TRIP4: variants seen among roughly 807,000 people sequenced by gnomAD.
The protein encoded by TRIP4 is activating signal cointegrator 1.
TRIP4 carries 54 observed loss-of-function variants against 81.8 expected under a neutral mutation model. The ratio of observed to expected loss-of-function variants is 0.66; its 90% CI spans 0.53 to 0.83. The LOEUF is 0.83. TRIP4 is among the 40% of genes least tolerant of loss of function. TRIP4 has a pLI of 0.00. For missense variants in TRIP4, 662 were observed against 683.6 expected, an observed-to-expected ratio of 0.97 and a Z score of 0.35; for synonymous variants, 270 against 242.8, an observed-to-expected ratio of 1.11 and a Z score of -1.04.
At chr15:64,447,866 C>A (rs559742408) in intron 12 of TRIP4, among the ~76,000 whole-genome samples, 6 of 152,282 alleles carry the variant, frequency 3.9e-5, no homozygotes, top group Admixed American at 2.0e-4. Flanking sequence ...TATGTGCCAC[C>A]ACGCCCAGAT....
intron 6 of TRIP4, among the ~76,000 whole-genome samples, 200 bp from the exon 7 acceptor site, chr15:64,409,413 A>T (rs1384829229): frequency 1.3e-5 from 2 of 152,162 alleles, no homozygotes; most frequent in Non-Finnish European, 2.9e-5. Flanking sequence ...AGGAAAATGT[A>T]TTATGGTGCT....
intron 5 of TRIP4, among the ~76,000 whole-genome samples, chr15:64,404,602 C>T (rs533715426): frequency 3.2e-4 from 49 of 152,222 alleles, no homozygotes; most frequent in African/African-American, 1.1e-3. Flanking sequence ...TGAACCACCG[C>T]GCTCGGCCTG....
chr15:64,453,811 A>T (rs1355541344), intron 12 of TRIP4, among the ~76,000 whole-genome samples: 2 of 152,214 alleles, frequency 1.3e-5, no homozygotes, highest in Non-Finnish European at 2.9e-5. Flanking sequence ...GTAAACAGAG[A>T]AACTTGTTAG....
chr15:64,424,630 T>C (rs953798803), intron 10 of TRIP4, among the ~76,000 whole-genome samples: 1 of 152,230 alleles, frequency 6.6e-6, no homozygotes, highest in Admixed American at 6.5e-5. Context: ...TTGGGCATCC[T>C]GTTTTTCCTT....
intron 7 of TRIP4, 135 bp from the exon 8 acceptor site, chr15:64,413,950 G>T: frequency 1.1e-6 from 1 of 893,714 alleles, no homozygotes. Flanking sequence ...GTTGGAGTGG[G>T]GAGTAGGGAA....
At chr15:64,437,248 G>A (rs922820592) in intron 11 of TRIP4, among the ~76,000 whole-genome samples, 1 of 105,566 alleles carries the variant, frequency 9.5e-6, no homozygotes, top group Non-Finnish European at 2.0e-5. Context: ...GTGAAACCCT[G>A]TGTCTACTAA....
At chr15:64,394,504 C>T (rs181914416) in intron 2 of TRIP4, among the ~76,000 whole-genome samples, 4,386 of 150,736 alleles carry the variant, frequency 0.029, 79 homozygotes, top group African/African-American at 0.054. Flanking sequence ...ACTCAGGAGG[C>T]TGAGGCAGGA....
At chr15:64,394,682 A>T (rs949738563) in intron 2 of TRIP4, among the ~76,000 whole-genome samples, 3 of 152,152 alleles carry the variant, frequency 2.0e-5, no homozygotes, top group African/African-American at 7.2e-5. Flanking sequence ...GAATAATTTG[A>T]AAAATTTATA....
chr15:64,426,770 G>A (rs972864311), intron 11 of TRIP4, among the ~76,000 whole-genome samples: 4 of 151,194 alleles, frequency 2.6e-5, no homozygotes, highest in Middle Eastern at 3.5e-3. Flanking sequence ...GGAGGCCAAG[G>A]CGGGCAGATC....
At chr15:64,420,144 G>A (rs998250229) in intron 9 of TRIP4, among the ~76,000 whole-genome samples, 6 of 139,394 alleles carry the variant, frequency 4.3e-5, no homozygotes, top group Non-Finnish European at 6.1e-5. Context: ...TTTTTGAGAC[G>A]AAGTTTTGCT....
Position 64,387,881 on chromosome 15 carries a change from G to C in TRIP4, c.18G>C (p.Ala6=), listed in dbSNP as rs756592971. 1 of 1,547,786 alleles carries C rather than the reference G, an allele frequency of 6.5e-7. No homozygotes were observed. The highest frequency in any genetic ancestry group is 8.7e-7 in the Non-Finnish European group (1 of 1,146,854). MAVAG[A]VSGEPLVHWC... ...TGGGGAAGATGGCGGTGGCTGGGGC[G>C]GTGTCCGGGGAGCCGCTGGTGCACT... Residue 6 remains alanine, a synonymous_variant, in exon 1 of 13, where the codon GCG becomes GCC. Coordinates refer to ENST00000261884, the MANE Select transcript of TRIP4 (RefSeq NM_016213.5).
chr15:64,414,356 A>G (rs1034866370), intron 8 of TRIP4, 145 bp downstream of exon 8: 2 of 1,099,620 alleles, frequency 1.8e-6, no homozygotes, highest in Non-Finnish European at 2.5e-6. Flanking sequence ...ACACCTGCCA[A>G]CCTTATTCTC....
At chr15:64,405,020 T>C (rs1262933722) in intron 5 of TRIP4, among the ~76,000 whole-genome samples, 1 of 151,952 alleles carries the variant, frequency 6.6e-6, no homozygotes, top group Non-Finnish European at 1.5e-5. Flanking sequence ...TGTATCATAA[T>C]CTATGGCTCT....
chr15:64,432,028 A>G (rs1892289962), intron 11 of TRIP4, among the ~76,000 whole-genome samples: 1 of 150,782 alleles, frequency 6.6e-6, no homozygotes, highest in South Asian at 2.1e-4. Flanking sequence ...CTGGGATTGC[A>G]GGTACGCACC....
intron 2 of TRIP4, among the ~76,000 whole-genome samples, 161 bp downstream of exon 2, chr15:64,394,276 A>G (rs1463583219): frequency 6.6e-6 from 1 of 152,112 alleles, no homozygotes; most frequent in African/African-American, 2.4e-5. Flanking sequence ...CTCAATCCGT[A>G]ATGAATATTG....
At chr15:64,428,699 C>T (rs1892203699) in intron 11 of TRIP4, among the ~76,000 whole-genome samples, 1 of 152,136 alleles carries the variant, frequency 6.6e-6, no homozygotes, top group African/African-American at 2.4e-5. Flanking sequence ...ACCTCTGCCT[C>T]TCAGGATCAA....
chr15:64,452,959 G>A (rs1217202283), intron 12 of TRIP4, among the ~76,000 whole-genome samples: 2 of 151,972 alleles, frequency 1.3e-5, no homozygotes, highest in Non-Finnish European at 2.9e-5. Context: ...GGTGGGGTGG[G>A]GGATTGCTTG....
At chr15:64,406,975 A>G (rs913324490) in intron 6 of TRIP4, among the ~76,000 whole-genome samples, 1 of 150,154 alleles carries the variant, frequency 6.7e-6, no homozygotes, top group African/African-American at 2.4e-5. Flanking sequence ...CTGCATTATT[A>G]TTGTTTAGCC....
chr15:64,418,546 T>G lies in TRIP4; in HGVS notation c.1176T>G (p.Val392=). 1 of 1,611,862 alleles carries G rather than the reference T, an allele frequency of 6.2e-7. No homozygotes were observed. Among genetic ancestry groups the G allele is most frequent in the Non-Finnish European group, 8.5e-7 (1 of 1,179,610 alleles). ...PNMYQSPPQW[V]DHTGAASQKK... is the part of the protein sequence containing the mutation. ...ATGTTTGTTTTTCTGTGTAGTGGGT[T>G]GACCACACAGGTGCAGCCTCACAGA... The change falls in exon 9 of 13, where the codon GTT becomes GTG. Residue 392 remains valine, a synonymous_variant. Transcript: ENST00000261884.
Sources: allele counts gnomAD v4.1 joint callset (sites outside exome capture counted in the v4.1 genomes callset), GRCh38; gene constraint gnomAD v4.1.1; transcripts MANE v1.5; gene names NCBI Gene and HGNC (gene_info 2026-07-23, HGNC 2026-07-21).